The following NPC1 variants were observed in gnomAD, a reference collection of about 807,000 sequenced individuals.
The protein encoded by NPC1 is Niemann-Pick C1 protein.
A neutral mutation model predicts 140.4 loss-of-function variants in NPC1; 85 were observed. The ratio of observed to expected loss-of-function variants is 0.61; its 90% CI spans 0.51 to 0.72. The LOEUF (loss-of-function observed/expected upper bound fraction) is 0.72. NPC1 is among the 30% of genes least tolerant of loss of function. The pLI is 0.00. For synonymous variants in NPC1, 656 were observed against 624.8 expected (o/e 1.05, Z -0.74); for missense variants, 1,504 against 1,623.8 (o/e 0.93, Z 1.27).
At chr18:23,553,319 T>G (rs996172200) in intron 9 of NPC1, among the ~76,000 whole-genome samples, 2 of 152,256 alleles carry the variant, frequency 1.3e-5, no homozygotes, top group African/African-American at 4.8e-5. Context: ...AAATGTTTTT[T>G]GTTTCTTCAA....
At chr18:23,536,587 A>G (rs1265267427) in intron 21 of NPC1, 86 bp downstream of exon 21, 6 of 1,183,152 alleles carry the variant, frequency 5.1e-6, no homozygotes, top group Non-Finnish European at 7.4e-6. Context: ...CCTGAAAATC[A>G]GCATCTTGCC....
intron 1 of NPC1, chr18:23,582,114 G>A (rs1016514386): frequency 6.6e-6 from 1 of 152,092 alleles, no homozygotes; most frequent in Non-Finnish European, 1.5e-5. Flanking sequence ...ACTACCTTAG[G>A]ACCAGCCTAG....
intron 3 of NPC1, among the ~76,000 whole-genome samples, chr18:23,510,510 G>A (rs1177385064): frequency 6.6e-6 from 1 of 152,052 alleles, no homozygotes; most frequent in Admixed American, 6.6e-5. Flanking sequence ...TAGCCAGGTT[G>A]GTGGCAGGCA....
At chr18:23,565,465 C>T (rs961787801) in intron 4 of NPC1, among the ~76,000 whole-genome samples, 10 of 152,306 alleles carry the variant, frequency 6.6e-5, no homozygotes, top group African/African-American at 2.4e-4. Flanking sequence ...AAGTGATTCT[C>T]ATGCCTCAGC....
Position 23,543,567 on chromosome 18 carries a change from T to C in NPC1, c.2133A>G (p.Arg711=), listed in dbSNP as rs985068341. ...NIFILVQAYQ[R]DERLQGETLD... ...GGGTTTCCCCTTGAAGACGTTCATCTCTCTTAAAAAAAAAAAAAAAAAATT... is the reference window on the plus strand; with the variant it reads ...GGGTTTCCCCTTGAAGACGTTCATCCCTCTTAAAAAAAAAAAAAAAAAATT... The change falls in exon 14 of 25, where the codon AGA becomes AGG. Residue 711 remains arginine, a splice_region_variant and synonymous_variant. Transcript: ENST00000269228. The C allele has an allele frequency of 3.4e-6, 5 of 1,466,246 alleles. No homozygotes were observed. Among genetic ancestry groups the C allele is most frequent in the Non-Finnish European group, 4.6e-6 (5 of 1,092,220 alleles). The allele number at this position is 1,466,246 out of a possible 1,614,324, so 90.8% of individuals were successfully genotyped here.
intron 9 of NPC1, among the ~76,000 whole-genome samples, chr18:23,552,674 T>G (rs1302929112): frequency 6.6e-6 from 1 of 152,186 alleles, no homozygotes; most frequent in Admixed American, 6.5e-5. Context: ...AACCAGCATT[T>G]TCGGACAGAC....
downstream of NPC1, chr18:23,529,758 A>C: frequency 1.3e-6 from 2 of 1,534,466 alleles, no homozygotes; most frequent in Non-Finnish European, 1.8e-6. Context: ...AAGGAATTTA[A>C]AAAAAAAACA....
chr18:23,513,513 A>G (rs1433566425), intron 3 of NPC1, among the ~76,000 whole-genome samples: 1 of 152,250 alleles, frequency 6.6e-6, no homozygotes, highest in African/African-American at 2.4e-5. Flanking sequence ...ACAGGTATGC[A>G]GATACCGCTT....
rs200444084 is a variant in NPC1, at chr18:23,534,480, C to T, written c.3557G>A (p.Arg1186His). Residue 1186 changes from arginine to histidine, a missense_variant, in exon 23 of 25, where the codon CGC (arginine) becomes CAC (histidine). Arg to His is a conservative substitution (Grantham distance 29). Transcript: ENST00000269228. ...CATGTGGGCAAGTGCCTCTTCCGCGCGCTCCACGCGGCTGCCTTTCATGCT... is the reference window on the plus strand; with the variant it reads ...CATGTGGGCAAGTGCCTCTTCCGCGTGCTCCACGCGGCTGCCTTTCATGCT... ...TVSMKGSRVE[R>H]AEEALAHMGS... is the part of the protein sequence containing the mutation. The T allele has an allele frequency of 1.7e-5, 27 of 1,613,982 alleles. No homozygotes were observed. The highest frequency in any genetic ancestry group is 2.2e-5 in the East Asian group (1 of 44,880).
At chr18:23,544,921 G>GT in intron 12 of NPC1, 39 bp downstream of exon 12, 1 of 1,398,906 alleles carries the variant, frequency 7.1e-7, no homozygotes, top group East Asian at 2.4e-5. Context: ...GTGCACTGCT[G>GT]TTAACCTCTA....
rs147281003 is a variant in NPC1, at chr18:23,545,070, G to C, written c.1837C>G (p.Leu613Val). Reference sequence around the variant, plus strand: ...ACATCACTGTCACTTTCACGATTTAGTTCATCTTCAATACTTCGTTCAGCA... The same window carrying C: ...ACATCACTGTCACTTTCACGATTTACTTCATCTTCAATACTTCGTTCAGCA... ...FTAERSIEDELNRESDSDVFT... is the reference protein window; with the variant it reads ...FTAERSIEDEVNRESDSDVFT... The change falls in exon 12 of 25, where the codon CTA becomes GTA. Residue 613 changes from leucine (L) to valine (V), a missense_variant. By Grantham distance (32) the Leu-to-Val change is conservative. Coordinates refer to ENST00000269228, the MANE Select transcript of NPC1 (RefSeq NM_000271.5). The C allele has an allele frequency of 1.2e-6, 2 of 1,611,620 alleles. No homozygotes were observed. The highest frequency in any genetic ancestry group is 4.5e-5 in the East Asian group (2 of 44,810).
Position 23,568,198 on chromosome 18 carries a change from G to T in NPC1, c.463+625C>A, listed in dbSNP as rs186485777. The stretch of plus-strand genomic sequence containing the variant: ...ACACATCCACTTTCCATACATGCAG[G>T]CTTCTGTTTCTGGACAAAATGACCT... On this transcript the variant is annotated intron_variant, in intron 4 of 24. Transcript: ENST00000269228. 2.9e-3 allele frequency among the ~76,000 whole-genome samples: 439 copies of T among 152,094 alleles called. 1 individual carries two copies. The highest frequency in any genetic ancestry group is 4.5e-3 in the Non-Finnish European group (304 of 68,006).
At chr18:23,545,949 G>T (rs945721518) in intron 11 of NPC1, among the ~76,000 whole-genome samples, 1 of 152,076 alleles carries the variant, frequency 6.6e-6, no homozygotes, top group Non-Finnish European at 1.5e-5. Flanking sequence ...CATACATGCT[G>T]AATTAAAGTA....
At chr18:23,542,209 C>A (rs970830469) in intron 14 of NPC1, among the ~76,000 whole-genome samples, 2 of 151,600 alleles carry the variant, frequency 1.3e-5, no homozygotes, top group Admixed American at 1.3e-4. Context: ...TATCATCACA[C>A]TTGCACTGGT....
chr18:23,518,145 A>G (rs920159519), downstream of NPC1, among the ~76,000 whole-genome samples: 1 of 152,276 alleles, frequency 6.6e-6, no homozygotes, highest in Admixed American at 6.5e-5. Context: ...TTACCACTGG[A>G]CTAGAATATG....
In NPC1 at chr18:23,536,392, C is replaced by A. The variant is rs572019590; in HGVS notation, c.3245+281G>T. Among the ~76,000 whole-genome samples, 7 of 152,338 alleles carry A rather than the reference C, an allele frequency of 4.6e-5. No homozygotes were observed. The South Asian group carries it at 1.4e-3, about 32-fold the overall frequency. On this transcript the variant is annotated intron_variant, in intron 21 of 24. Transcript: ENST00000269228. ...CTCTGAGCCGCCTGCTCTCCAAGCG[C>A]CCCCTGCCTTAAGCCATTTTCCAGT...
chr18:23,575,311 G>A (rs1343486610), intron 1 of NPC1, among the ~76,000 whole-genome samples: 4 of 152,300 alleles, frequency 2.6e-5, no homozygotes, highest in African/African-American at 4.8e-5. Flanking sequence ...TTATTTCAAA[G>A]CAAGTGCTAT....
At chr18:23,539,313 T>C (rs766134632) in intron 19 of NPC1, 42 bp downstream of exon 19, 9 of 1,450,920 alleles carry the variant, frequency 6.2e-6, no homozygotes, top group Non-Finnish European at 8.7e-6. Flanking sequence ...AATTTGAAAA[T>C]TTTTCAGCAA....
chr18:23,563,899 T>C (rs1038342218), intron 4 of NPC1, among the ~76,000 whole-genome samples: 1 of 152,136 alleles, frequency 6.6e-6, no homozygotes. Flanking sequence ...TGTTGGTCAT[T>C]TGTATATCTT....
Sources: gnomAD v4.1 joint callset for allele counts (sites outside exome capture counted in the v4.1 genomes callset) on GRCh38, gnomAD v4.1.1 for gene constraint, MANE v1.5 for transcripts, NCBI Gene and HGNC (gene_info 2026-07-23, HGNC 2026-07-21) for gene names.